HSH2D: variants seen among roughly 807,000 people sequenced by gnomAD.
HSH2D encodes the protein hematopoietic SH2 domain-containing protein.
HSH2D carries 16 observed loss-of-function variants against 21.5 expected under a neutral mutation model. That is an observed-to-expected ratio of 0.74 (90% confidence interval 0.50 to 1.13). HSH2D has a LOEUF of 1.13. Among genes scored for constraint, HSH2D ranks in the 50% most tolerant of loss-of-function variants. The pLI, the probability that HSH2D is intolerant of heterozygous loss-of-function variation, is 0.00. For missense variants in HSH2D, 418 were observed against 441.4 expected (o/e 0.95, Z 0.47); for synonymous variants, 172 against 184.7 (o/e 0.93, Z 0.56).
Position 16,157,342 on chromosome 19 carries a change from C to T in HSH2D, c.607C>T (p.Leu203Phe), listed in dbSNP as rs1168591267. ...CCCTCTTGGAGAGACCCGCCAGAAA[C>T]TCTGGAGGAGCCTCAAAATGCTCCC... ...KSPLGETRQK[L>F]WRSLKMLPER... is the part of the protein sequence containing the mutation. The change falls in exon 6 of 6, where the codon CTC becomes TTC. Residue 203 changes from leucine to phenylalanine, a missense_variant. Transcript: ENST00000613986. The surrounding 1 kb of genome is among the most constrained non-coding windows in gnomAD (Gnocchi z 4.4). 4 of 1,613,958 alleles carry T rather than the reference C, an allele frequency of 2.5e-6. No individual in the cohort carries two copies. The highest frequency in any genetic ancestry group is 1.3e-5 in the African/African-American group (1 of 75,056).
intron 1 of HSH2D, among the ~76,000 whole-genome samples, chr19:16,144,472 C>T (rs2145023903): frequency 6.6e-6 from 1 of 151,994 alleles, no homozygotes; most frequent in East Asian, 1.9e-4. Flanking sequence ...AACATTACCC[C>T]ATGATAGGTC....
At chr19:16,134,430 C>T (rs182255428) in intron 1 of HSH2D, among the ~76,000 whole-genome samples, 4 of 152,256 alleles carry the variant, frequency 2.6e-5, no homozygotes, top group Admixed American at 6.5e-5. Flanking sequence ...TTTTAATATC[C>T]GTAGGGAACT....
Position 16,152,491 on chromosome 19 carries a change from G to A in HSH2D, c.126-61G>A, listed in dbSNP as rs887987336. 12 of 1,024,762 alleles carry A rather than the reference G, an allele frequency of 1.2e-5. No individual in the cohort carries two copies. In the African/African-American group the frequency reaches 2.0e-4, roughly 17 times the overall value. 63.5% of individuals were successfully genotyped at this position (1,024,762 alleles called of 1,614,324 possible). A position where few individuals can be genotyped will look rare whatever the true frequency, so the allele number is the denominator to read the frequency against. On this transcript the variant is annotated intron_variant, in intron 2 of 5. Transcript: ENST00000613986. The stretch of plus-strand genomic sequence containing the variant: ...CATGAATGATCCCATGGCCCCAGGA[G>A]TCTAACTGGTACGTGGGGCGGCTGG...
At chr19:16,146,520 T>A (rs1455694783) in intron 1 of HSH2D, among the ~76,000 whole-genome samples, 1 of 151,708 alleles carries the variant, frequency 6.6e-6, no homozygotes, top group Non-Finnish European at 1.5e-5. Context: ...TACAAAAAAA[T>A]TTTCAAAATT....
intron 1 of HSH2D, among the ~76,000 whole-genome samples, chr19:16,144,686 CTTTTTTTTTTTT>C (rs35070155): frequency 2.3e-5 from 2 of 85,914 alleles, no homozygotes; most frequent in Non-Finnish European, 4.3e-5. Flanking sequence ...ATTCTAGGCT[CTTTTTTTTTTTT>C]TTTTTTTTTT....
intron 1 of HSH2D, among the ~76,000 whole-genome samples, chr19:16,138,330 C>T (rs1397531493): frequency 2.6e-5 from 4 of 152,296 alleles, no homozygotes; most frequent in Admixed American, 6.5e-5. Flanking sequence ...GATGGAACCA[C>T]GTTTTGTTTA....
intron 1 of HSH2D, among the ~76,000 whole-genome samples, chr19:16,136,721 G>A (rs1297053828): frequency 6.6e-6 from 1 of 152,066 alleles, no homozygotes; most frequent in African/African-American, 2.4e-5. Context: ...AAAGGGATGG[G>A]CAACATGGCA....
chr19:16,134,648 C>T (rs2090948217), intron 1 of HSH2D, among the ~76,000 whole-genome samples: 1 of 152,152 alleles, frequency 6.6e-6, no homozygotes, highest in South Asian at 2.1e-4. Flanking sequence ...CAGCCCTGAC[C>T]CTGGACTCCA....
At chr19:16,146,055 A>G (rs2091064017) in intron 1 of HSH2D, among the ~76,000 whole-genome samples, 1 of 151,152 alleles carries the variant, frequency 6.6e-6, no homozygotes, top group African/African-American at 2.4e-5. Context: ...CAGCCTGGGC[A>G]ACAGAGCGAG....
At chr19:16,151,765 GAAAAAAAAAAAAA>G (rs746775825) in intron 2 of HSH2D, among the ~76,000 whole-genome samples, 1 of 61,318 alleles carries the variant, frequency 1.6e-5, no homozygotes, top group African/African-American at 5.8e-5. Context: ...TGCCACAGCT[GAAAAAAAAAAAAA>G]AAAAAAAAAA....
intron 2 of HSH2D, among the ~76,000 whole-genome samples, chr19:16,152,270 T>C (rs865973298): frequency 9.3e-5 from 14 of 149,982 alleles, no homozygotes; most frequent in Non-Finnish European, 1.3e-4. Context: ...TACAAAAAAT[T>C]AGCCGGGCGT....
upstream of HSH2D, among the ~76,000 whole-genome samples, chr19:16,143,243 C>T (rs575351396): frequency 1.2e-4 from 18 of 152,236 alleles, 1 homozygote; most frequent in African/African-American, 3.9e-4. Context: ...CGCCGCCACA[C>T]CCGGCTGATT....
chr19:16,151,558 C>G (rs1422784025), intron 2 of HSH2D: 2 of 455,682 alleles, frequency 4.4e-6, no homozygotes, highest in Non-Finnish European at 8.8e-6. Flanking sequence ...GTTATGAACT[C>G]GAATGCATCT....
intron 2 of HSH2D, among the ~76,000 whole-genome samples, 161 bp from the exon 3 acceptor site, chr19:16,152,391 C>CG (rs1296641167): frequency 1.3e-5 from 2 of 149,138 alleles, no homozygotes; most frequent in African/African-American, 2.5e-5. Context: ...GCACTCCAGC[C>CG]GGGGGGACAG....
intron 1 of HSH2D, among the ~76,000 whole-genome samples, chr19:16,135,736 C>G (rs772795530): frequency 1.3e-5 from 2 of 152,178 alleles, no homozygotes; most frequent in Non-Finnish European, 2.9e-5. Flanking sequence ...TCTGCAGAGG[C>G]CTCTCCCAGT....
intron 2 of HSH2D, among the ~76,000 whole-genome samples, chr19:16,149,426 C>A (rs945950946): frequency 1.3e-5 from 2 of 152,078 alleles, no homozygotes; most frequent in African/African-American, 4.8e-5. Flanking sequence ...TGGTCTCAAA[C>A]TCCTGGCCTC....
chr19:16,142,260 T>G (rs2145016892), upstream of HSH2D, among the ~76,000 whole-genome samples: 1 of 152,254 alleles, frequency 6.6e-6, no homozygotes, highest in Middle Eastern at 3.4e-3. Context: ...AGACCCCATC[T>G]CTACAAAAAA....
intron 5 of HSH2D, chr19:16,154,752 G>A (rs942502566): frequency 3.1e-6 from 1 of 323,516 alleles, no homozygotes; most frequent in African/African-American, 2.2e-5. Context: ...TAGCCTCGGG[G>A]TCTCTGCGTG....
At chr19:16,155,123 A>C (rs573171251) in intron 5 of HSH2D, among the ~76,000 whole-genome samples, 1 of 152,172 alleles carries the variant, frequency 6.6e-6, no homozygotes, top group Non-Finnish European at 1.5e-5. Context: ...AGATGAATGA[A>C]TGTATCACAG....
Sources: allele counts gnomAD v4.1 joint callset (sites outside exome capture counted in the v4.1 genomes callset), GRCh38; gene constraint gnomAD v4.1.1; non-coding constraint Gnocchi (gnomAD v3.1); transcripts MANE v1.5; gene names NCBI Gene and HGNC (gene_info 2026-07-23, HGNC 2026-07-21).